The following IL4R variants were observed in gnomAD, a reference collection of about 807,000 sequenced individuals.
The protein encoded by IL4R is interleukin-4 receptor subunit alpha.
IL4R carries 17 observed loss-of-function variants against 41.5 expected under a neutral mutation model. The ratio of observed to expected loss-of-function variants is 0.41; its 90% CI spans 0.28 to 0.61. The LOEUF (loss-of-function observed/expected upper bound fraction) is 0.61. IL4R is among the 20% of genes least tolerant of loss of function. IL4R has a pLI of 0.31. For missense variants in IL4R, 974 were observed against 1,043.1 expected (o/e 0.93, Z 0.91); for synonymous variants, 402 against 422.9 (o/e 0.95, Z 0.61).
At chr16:27,325,959 C>A (rs1313474231) in intron 1 of IL4R, among the ~76,000 whole-genome samples, 3 of 152,142 alleles carry the variant, frequency 2.0e-5, no homozygotes, top group African/African-American at 7.2e-5. Flanking sequence ...ATTCTTGACT[C>A]CTATTAGCCT....
intron 1 of IL4R, among the ~76,000 whole-genome samples, chr16:27,327,456 T>G (rs1431790802): frequency 6.6e-6 from 1 of 152,164 alleles, no homozygotes; most frequent in East Asian, 1.9e-4. Flanking sequence ...TGTGTTCTCC[T>G]GGTGGCGGGC....
chr16:27,313,887 G>T, upstream of IL4R: 1 of 983,196 alleles, frequency 1.0e-6, no homozygotes, highest in African/African-American at 1.8e-5. Flanking sequence ...CCGGGGCGGG[G>T]AGCAGGAAGC....
At chr16:27,361,136 C>CACT in intron 10 of IL4R, 1 of 809,680 alleles carries the variant, frequency 1.2e-6, no homozygotes, top group South Asian at 2.4e-5. Flanking sequence ...CTATCCTGAA[C>CACT]ACTCCCCTCC....
intron 1 of IL4R, among the ~76,000 whole-genome samples, chr16:27,326,241 C>T (rs990628258): frequency 1.3e-5 from 2 of 152,128 alleles, no homozygotes; most frequent in Admixed American, 1.3e-4. Context: ...TTCTTCCTTG[C>T]TCAAATATTT....
In IL4R at chr16:27,345,031, C is replaced by T. The variant is rs779751751; in HGVS notation, c.361+11C>T. 31 of 1,344,698 alleles carry T rather than the reference C, an allele frequency of 2.3e-5. No individual in the cohort carries two copies. The highest frequency in any genetic ancestry group is 1.6e-4 in the African/African-American group (10 of 60,626). The allele number at this position is 1,344,698 out of a possible 1,614,324, so 83.3% of individuals were successfully genotyped here. On this transcript the variant is annotated intron_variant, in intron 5 of 10. Transcript: ENST00000395762. This position sits in a 1 kb window ranked among gnomAD's most constrained non-coding sequence, Gnocchi z 4.5. ...AGCCCAGCGAGCATGGTGAGCAGGG[C>T]GGAGTGCGGCAGGGGTGGCTGGGTG...
chr16:27,348,382 GA>G (rs2085737941), intron 6 of IL4R, among the ~76,000 whole-genome samples: 1 of 152,190 alleles, frequency 6.6e-6, no homozygotes, highest in African/African-American at 2.4e-5. Context: ...GGGCTGGGGG[GA>G]AGAGAAAGGT....
At chr16:27,350,004 G>A (rs976689036) in intron 6 of IL4R, among the ~76,000 whole-genome samples, 1 of 152,292 alleles carries the variant, frequency 6.6e-6, no homozygotes, top group East Asian at 1.9e-4. Context: ...CCCTGGCTCA[G>A]CCTCCCAAGG....
chr16:27,344,086 C>T (rs2085533741), intron 4 of IL4R, among the ~76,000 whole-genome samples: 1 of 151,988 alleles, frequency 6.6e-6, no homozygotes, highest in Non-Finnish European at 1.5e-5. Flanking sequence ...GGGCAGATCA[C>T]TTGAGGTCAG....
chr16:27,360,720 G>T (rs1596541413), intron 9 of IL4R, 46 bp from the exon 10 acceptor site: 1 of 1,613,588 alleles, frequency 6.2e-7, no homozygotes. Context: ...TCCAGGCCGG[G>T]CTGCAAGGCC....
intron 10 of IL4R, 124 bp downstream of exon 10, chr16:27,360,939 GC>G (rs34010668): frequency 6.3e-7 from 1 of 1,588,644 alleles, no homozygotes; most frequent in Non-Finnish European, 8.6e-7. Context: ...TGTGACATTA[GC>G]CTTCAAGGGA....
intron 1 of IL4R, among the ~76,000 whole-genome samples, chr16:27,324,352 G>A (rs1282814928): frequency 1.3e-5 from 2 of 152,218 alleles, no homozygotes; most frequent in African/African-American, 4.8e-5. Context: ...GCCCAGCAGG[G>A]AGAGGTGGAA....
chr16:27,327,289 C>T (rs985939503), intron 1 of IL4R, among the ~76,000 whole-genome samples: 1 of 152,146 alleles, frequency 6.6e-6, no homozygotes, highest in African/African-American at 2.4e-5. Context: ...TGTACCGCCC[C>T]CTGTGCGCCC....
chr16:27,355,834 C>T lies in IL4R; in HGVS notation c.697C>T (p.Leu233Phe), dbSNP rs781595007. ...CTACAGGGAGCCCTTCGAGCAGCACCTCCTGCTGGGCGTCAGCGTTTCCTG... is the reference window on the plus strand; with the variant it reads ...CTACAGGGAGCCCTTCGAGCAGCACTTCCTGCTGGGCGTCAGCGTTTCCTG... The part of the protein sequence containing the change: ...NSYREPFEQH[L>F]LLGVSVSCIV... The change falls in exon 8 of 11, where the codon CTC becomes TTC. Residue 233 changes from leucine to phenylalanine, a missense_variant. By Grantham distance (22) the Leu-to-Phe change is conservative (BLOSUM62 0). Transcript: ENST00000395762. The T allele has an allele frequency of 6.2e-6, 10 of 1,613,506 alleles. No individual in the cohort carries two copies. The highest frequency in any genetic ancestry group is 2.7e-5 in the African/African-American group (2 of 74,924).
intron 1 of IL4R, among the ~76,000 whole-genome samples, chr16:27,314,531 A>G (rs1315264852): frequency 6.6e-6 from 1 of 152,180 alleles, no homozygotes; most frequent in Non-Finnish European, 1.5e-5. Context: ...TGTTTTACTG[A>G]AAGGATGCCA....
intron 4 of IL4R, among the ~76,000 whole-genome samples, chr16:27,344,011 C>A (rs1027852669): frequency 1.3e-5 from 2 of 152,090 alleles, no homozygotes; most frequent in Non-Finnish European, 2.9e-5. Context: ...ATCAAAATTG[C>A]ACTTGTAAGG....
At chr16:27,336,379 C>T (rs1163254068) in intron 2 of IL4R, among the ~76,000 whole-genome samples, 1 of 151,952 alleles carries the variant, frequency 6.6e-6, no homozygotes, top group Non-Finnish European at 1.5e-5. Context: ...AGGAAAAGCA[C>T]GCGTAAGGGA....
intron 7 of IL4R, 113 bp from the exon 8 acceptor site, chr16:27,355,695 G>A (rs1253131648): frequency 1.5e-6 from 1 of 688,978 alleles, no homozygotes; most frequent in African/African-American, 1.8e-5. Context: ...TCGGCGGTCA[G>A]ATCGTGGAGG....
Position 27,360,262 on chromosome 16 carries a change from C to T in IL4R, c.850-504C>T, listed in dbSNP as rs549147473. ...CTCCTAATATCAGGTGATCCACCCACTTCAGCCTCCCAAAGTGCTGGGATT... is the reference window on the plus strand; with the variant it reads ...CTCCTAATATCAGGTGATCCACCCATTTCAGCCTCCCAAAGTGCTGGGATT... On this transcript the variant is annotated intron_variant, in intron 9 of 10. Transcript: ENST00000395762. Among the ~76,000 whole-genome samples the T allele has an allele frequency of 6.4e-3, 977 of 152,352 alleles. 2 individuals are homozygous for T. The highest frequency in any genetic ancestry group is 0.01 in the Non-Finnish European group (691 of 68,034).
At position 27,357,253 on chromosome 16, in the gene IL4R, T is replaced by A. The variant is rs142556513; in HGVS notation, c.770+1346T>A. 1.9e-3 allele frequency among the ~76,000 whole-genome samples: 288 copies of A among 152,164 alleles called. 3 individuals carry two copies. The highest frequency in any genetic ancestry group is 5.7e-3 in the African/African-American group (236 of 41,514). On this transcript the variant is annotated intron_variant, in intron 8 of 10. Coordinates refer to ENST00000395762, the MANE Select transcript of IL4R (RefSeq NM_000418.4). ...ATCACTATATCCCAGCATGCCAGCCTCTTTGCTGTTCTTTGTCTTTGGTTT... is the reference window on the plus strand; with the variant it reads ...ATCACTATATCCCAGCATGCCAGCCACTTTGCTGTTCTTTGTCTTTGGTTT...
Sources: allele counts gnomAD v4.1 joint callset (sites outside exome capture counted in the v4.1 genomes callset), GRCh38; gene constraint gnomAD v4.1.1; non-coding constraint Gnocchi (gnomAD v3.1); transcripts MANE v1.5; gene names NCBI Gene and HGNC (gene_info 2026-07-23, HGNC 2026-07-21).